SYTL3: variants seen among roughly 807,000 people sequenced by gnomAD.
SYTL3 encodes the protein synaptotagmin like 3, also known as synaptotagmin-like protein 3.
A neutral mutation model predicts 82.1 loss-of-function variants in SYTL3; 88 were observed. That is an observed-to-expected ratio of 1.07 (90% confidence interval 0.90 to 1.28). SYTL3 has a LOEUF of 1.28. Ranked by LOEUF, SYTL3 falls within the 50% of genes most tolerant of loss-of-function variation. The pLI, the probability that SYTL3 is intolerant of heterozygous loss-of-function variation, is 0.00. For missense variants in SYTL3, 831 were observed against 757.6 expected (o/e 1.10, Z -1.14); for synonymous variants, 311 against 289.4 (o/e 1.07, Z -0.76).
rs142243599 is a variant in SYTL3 at position 158,674,227 on chromosome 6, C to G, written c.329+8614C>G. Among the ~76,000 whole-genome samples the G allele has an allele frequency of 9.9e-3, 1,505 of 152,254 alleles. 15 individuals carry two copies. The highest frequency in any genetic ancestry group is 0.016 in the Non-Finnish European group (1,119 of 68,024). On this transcript the variant is annotated intron_variant, in intron 5 of 17. Transcript: ENST00000611299. ...AAGTCAGCCTCACAGATTCAACTTT[C>G]TAGCCTGCCATTTCTGCTCTTTTCT...
intron 11 of SYTL3, among the ~76,000 whole-genome samples, chr6:158,744,228 T>G (rs1422846159): frequency 6.6e-6 from 1 of 150,976 alleles, no homozygotes; most frequent in East Asian, 2.0e-4. Context: ...CAGTTGCTGT[T>G]TTTTTTTTCT....
At chr6:158,759,756 A>T (rs1383234539) in intron 14 of SYTL3, among the ~76,000 whole-genome samples, 1 of 151,908 alleles carries the variant, frequency 6.6e-6, no homozygotes, top group Non-Finnish European at 1.5e-5. Flanking sequence ...CTGGTCTCGA[A>T]CTCCTGACCT....
At chr6:158,725,671 T>C (rs770403438) in intron 11 of SYTL3, 34 bp downstream of exon 11, 2 of 1,598,448 alleles carry the variant, frequency 1.3e-6, no homozygotes, top group Non-Finnish European at 1.7e-6. Flanking sequence ...TTTTTGTTTT[T>C]TTGTTTTTTG....
chr6:158,668,226 T>TTTTATTTATTTATTTATTTATTTA lies in SYTL3; in HGVS notation c.329+2632_329+2633insATTTATTTATTTATTTATTTATTT, dbSNP rs71030189. Among the ~76,000 whole-genome samples the TTTTATTTATTTATTTATTTATTTA allele has an allele frequency of 1.7e-3, 263 of 150,884 alleles. 1 individual carries two copies. The highest frequency in any genetic ancestry group is 6.0e-3 in the African/African-American group (245 of 41,064). On this transcript the variant is annotated intron_variant, in intron 5 of 17. Coordinates refer to ENST00000611299, the MANE Select transcript of SYTL3 (RefSeq NM_001242394.2). ...AGCCTTGTCCTGGGAGGGCAGAGTCTTTTATTTATTTATTTATTTTGAGAC... is the reference window on the plus strand; with the variant it reads ...AGCCTTGTCCTGGGAGGGCAGAGTCTTTTATTTATTTATTTATTTATTTATTTATTTATTTATTTATTTTGAGAC...
intron 8 of SYTL3, among the ~76,000 whole-genome samples, chr6:158,709,229 A>C (rs1292576251): frequency 3.3e-5 from 5 of 151,982 alleles, no homozygotes; most frequent in Non-Finnish European, 5.9e-5. Context: ...ACTCCATCTC[A>C]AAAAAAATAA....
chr6:158,693,202 A>T (rs1303127345), intron 6 of SYTL3, among the ~76,000 whole-genome samples: 1 of 152,240 alleles, frequency 6.6e-6, no homozygotes, highest in Admixed American at 6.5e-5. Context: ...TAAAAATTTT[A>T]AAAATTTTAC....
At chr6:158,759,025 G>A (rs552269840) in intron 14 of SYTL3, among the ~76,000 whole-genome samples, 3 of 152,306 alleles carry the variant, frequency 2.0e-5, no homozygotes, top group East Asian at 3.9e-4. Context: ...GACGCCCTGA[G>A]TTTCCAGCCT....
chr6:158,749,390 G>GAAAAAAA (rs1167978441), intron 12 of SYTL3, among the ~76,000 whole-genome samples: 3 of 52,136 alleles, frequency 5.8e-5, no homozygotes, highest in Admixed American at 2.8e-4. Flanking sequence ...GACTCTGTCT[G>GAAAAAAA]AAAAAAAAAA....
At chr6:158,738,731 C>T (rs1786522375) in intron 11 of SYTL3, among the ~76,000 whole-genome samples, 1 of 152,226 alleles carries the variant, frequency 6.6e-6, no homozygotes, top group Admixed American at 6.5e-5. Flanking sequence ...TATCTCAGCT[C>T]ACTGCAACCT....
intron 2 of SYTL3, among the ~76,000 whole-genome samples, chr6:158,655,416 A>G (rs1788563770): frequency 6.6e-6 from 1 of 152,178 alleles, no homozygotes; most frequent in Admixed American, 6.5e-5. Context: ...TGGCTGGGTG[A>G]TGGGGGAATC....
rs1474620491 is a variant in SYTL3 at position 158,663,012 on chromosome 6, C to G, written c.-257C>G. The G allele has an allele frequency of 2.8e-6, 1 of 363,620 alleles. No individual in the cohort carries two copies. Among genetic ancestry groups the G allele is most frequent in the Non-Finnish European group, 5.0e-6 (1 of 200,236 alleles). 22.5% of individuals were successfully genotyped at this position (363,620 alleles called of 1,614,324 possible). On this transcript the variant is annotated 5_prime_UTR_variant, in exon 4 of 18. Transcript: ENST00000611299. ...CTGCTGCAGAACCCGGTGAAAACAC[C>G]CCCCGGGTAGCACGAGGCTCTGCGA...
intron 5 of SYTL3, among the ~76,000 whole-genome samples, chr6:158,674,118 TAA>T (rs1562361213): frequency 6.3e-4 from 91 of 145,416 alleles, no homozygotes; most frequent in African/African-American, 2.2e-3. Flanking sequence ...ATAATAATAA[TAA>T]TGATGATGAT....
intron 5 of SYTL3, among the ~76,000 whole-genome samples, chr6:158,676,495 G>T (rs527769992): frequency 6.6e-6 from 1 of 151,968 alleles, no homozygotes; most frequent in African/African-American, 2.4e-5. Context: ...ATAGGCATGG[G>T]CAAGGACTTC....
At position 158,663,534 on chromosome 6, in the gene SYTL3, G is replaced by A. The variant is rs1039676176; in HGVS notation, c.110+156G>A. Reference sequence around the variant, plus strand: ...GTCCTAACGAAGGTCTGTTGGTGGAGATGATCCTCCTTATGTAACTAAACG... The same window carrying A: ...GTCCTAACGAAGGTCTGTTGGTGGAAATGATCCTCCTTATGTAACTAAACG... On this transcript the variant is annotated intron_variant, in intron 4 of 17. Transcript: ENST00000611299. 3.0e-6 allele frequency: 3 copies of A among 985,238 alleles called. No homozygotes were observed. The African/African-American group carries it at 5.2e-5, about 17-fold the overall frequency. 61.0% of individuals were successfully genotyped at this position (985,238 alleles called of 1,614,324 possible). A position where few individuals can be genotyped will look rare whatever the true frequency, so the allele number is the denominator to read the frequency against.
At chr6:158,647,393 A>G (rs1331816636), upstream of SYTL3, among the ~76,000 whole-genome samples, 1 of 152,224 alleles carries the variant, frequency 6.6e-6, no homozygotes, top group African/African-American at 2.4e-5. Flanking sequence ...CACTTGTTCA[A>G]TACACATATA....
At chr6:158,749,769 T>G (rs1788164235) in intron 12 of SYTL3, among the ~76,000 whole-genome samples, 1 of 152,188 alleles carries the variant, frequency 6.6e-6, no homozygotes. Context: ...ATTACAGGCA[T>G]GAGCCACCAC....
chr6:158,764,713 GCAGTCTCCAT>G lies in SYTL3; in HGVS notation c.*111_*120del, dbSNP rs763331027. ...CAGCTGGAGACCCCTTTGACCTTGA[GCAGTCTCCAT>G]CTGCGGCCCTGTCCCATGGCTTAAC... On this transcript the variant is annotated 3_prime_UTR_variant, in exon 18 of 18. Transcript: ENST00000611299. The G allele has an allele frequency of 2.7e-6, 2 of 741,792 alleles. No homozygotes were observed. The highest frequency in any genetic ancestry group is 1.6e-5 in the South Asian group (1 of 62,500). 46.0% of individuals were successfully genotyped at this position (741,792 alleles called of 1,614,324 possible).
intron 13 of SYTL3, among the ~76,000 whole-genome samples, chr6:158,754,763 C>T (rs868675761): frequency 6.6e-6 from 1 of 152,200 alleles, no homozygotes; most frequent in Non-Finnish European, 1.5e-5. Flanking sequence ...CTGTATGTAG[C>T]AGGGAGTAGT....
intron 6 of SYTL3, among the ~76,000 whole-genome samples, chr6:158,700,398 T>C (rs1381200185): frequency 6.6e-6 from 1 of 151,948 alleles, no homozygotes; most frequent in Non-Finnish European, 1.5e-5. Flanking sequence ...ATTACAGGTA[T>C]GAGCCACCAC....
Sources: allele counts gnomAD v4.1 joint callset (sites outside exome capture counted in the v4.1 genomes callset), GRCh38; gene constraint gnomAD v4.1.1; transcripts MANE v1.5; gene names NCBI Gene and HGNC (gene_info 2026-07-23, HGNC 2026-07-21).